Variants in TXNDC5 observed in about 807,000 individuals in gnomAD.
TXNDC5 encodes the protein thioredoxin domain containing 5.
Under a neutral mutation model 52.6 loss-of-function variants are expected in TXNDC5, and 44 were observed. That is an observed-to-expected ratio of 0.84 (90% CI 0.66 to 1.08). TXNDC5 has a LOEUF of 1.08. Among genes scored for constraint, TXNDC5 ranks in the 50% least tolerant of loss-of-function variants. TXNDC5 has a pLI of 0.00. For synonymous variants in TXNDC5, 241 were observed against 234.4 expected, an observed-to-expected ratio of 1.03 and a Z score of -0.26; for missense variants, 600 against 565.5, an observed-to-expected ratio of 1.06 and a Z score of -0.62.
rs1172993138 is a variant in TXNDC5 at position 7,884,469 on chromosome 6, G to C, written c.1066C>G (p.Leu356Val). 6.2e-7 allele frequency: 1 copy of C among 1,614,096 alleles called. No individual in the cohort carries two copies. The highest frequency in any genetic ancestry group is 1.1e-5 in the South Asian group (1 of 91,080). Residue 356 changes from leucine to valine, a missense_variant, in exon 9 of 10, where the codon CTG becomes GTG. Transcript: ENST00000379757. ...YAPWCGHCKT[L>V]APTWEELSKK... Reference sequence around the variant, plus strand: ...GAGAGTTCCTCCCAAGTAGGAGCCAGAGTCTTACAATGACCACACCTAAGA... The same window carrying C: ...GAGAGTTCCTCCCAAGTAGGAGCCACAGTCTTACAATGACCACACCTAAGA...
At chr6:7,909,974 C>G (rs1402905576) in intron 1 of TXNDC5, 2 of 985,992 alleles carry the variant, frequency 2.0e-6, no homozygotes, top group Non-Finnish European at 2.4e-6. Context: ...GTTTGGGGCG[C>G]TGGGCAGGGA....
At position 7,891,735 on chromosome 6, in the gene TXNDC5, G is replaced by A. The variant is rs776901988; in HGVS notation, c.618C>T (p.Gly206=). 3.7e-6 allele frequency: 6 copies of A among 1,612,244 alleles called. No homozygotes were observed. Among genetic ancestry groups the A allele is most frequent in the South Asian group, 1.1e-5 (1 of 90,954 alleles). The change falls in exon 5 of 10, where the codon GGC becomes GGT. Residue 206 remains glycine, a splice_region_variant and synonymous_variant. Transcript: ENST00000379757. ...GAGCGAAGAACTTGATAAAGTGGTCGCCTGGAGTGGAGAGCCAAGGCAGAG... is the reference window on the plus strand; with the variant it reads ...GAGCGAAGAACTTGATAAAGTGGTCACCTGGAGTGGAGAGCCAAGGCAGAG... ...ASNFELHVAQ[G]DHFIKFFAPW...
intron 7 of TXNDC5, 128 bp from the exon 8 acceptor site, chr6:7,886,171 C>G: frequency 1.4e-6 from 1 of 720,928 alleles, no homozygotes. Context: ...CAAGGTCACA[C>G]AGAAATACCT....
In TXNDC5 at chr6:7,904,643, T is replaced by C. The variant is rs965937678; in HGVS notation, c.344A>G (p.Tyr115Cys). The C allele has an allele frequency of 9.9e-6, 16 of 1,614,094 alleles. No individual in the cohort carries two copies. Among genetic ancestry groups the C allele is most frequent in the Admixed American group, 3.3e-5 (2 of 60,006 alleles). ...GGCCGTGCAGTCCACTTTAGCCACA[T>C]AGACTTTGGCATCTTCCATGCTGTT... ...KYNSMEDAKV[Y>C]VAKVDCTAHS... Residue 115 changes from tyrosine to cysteine, a missense_variant, in exon 2 of 10, where the codon TAT becomes TGT. Transcript: ENST00000379757.
intron 1 of TXNDC5, among the ~76,000 whole-genome samples, chr6:7,908,341 G>A (rs944815643): frequency 2.7e-5 from 4 of 149,004 alleles, no homozygotes; most frequent in African/African-American, 9.9e-5. Context: ...GAAGCATCCA[G>A]CTAAATGTCT....
chr6:7,908,922 A>G (rs567860063), intron 1 of TXNDC5, among the ~76,000 whole-genome samples: 2 of 152,332 alleles, frequency 1.3e-5, no homozygotes, highest in East Asian at 3.9e-4. Context: ...TAAGTAGTAC[A>G]CTTAATTGAA....
At position 7,889,591 on chromosome 6, in the gene TXNDC5, A is replaced by G; in HGVS notation, c.733-10T>C. The G allele has an allele frequency of 2.5e-6, 4 of 1,599,028 alleles. No homozygotes were observed. The highest frequency in any genetic ancestry group is 3.4e-6 in the Non-Finnish European group (4 of 1,167,284). Reference sequence around the variant, plus strand: ...GCTGTGTACAATCAACCTGAGAATAAAAGCAGATCAACTTCCCAGTCAGTT... The same window carrying G: ...GCTGTGTACAATCAACCTGAGAATAGAAGCAGATCAACTTCCCAGTCAGTT... On this transcript the variant is annotated splice_polypyrimidine_tract_variant and intron_variant, in intron 5 of 9. Transcript: ENST00000379757.
intron 1 of TXNDC5, 69 bp downstream of exon 1, chr6:7,910,445 G>T: frequency 7.9e-7 from 1 of 1,272,434 alleles, no homozygotes. Flanking sequence ...CCCCGCCCGC[G>T]GCGCCCAAGC....
chr6:7,898,446 G>A (rs966498496), intron 3 of TXNDC5, among the ~76,000 whole-genome samples: 6 of 152,200 alleles, frequency 3.9e-5, no homozygotes, highest in African/African-American at 1.2e-4. Context: ...GGGGCAGAGC[G>A]GAAGAGCCGC....
chr6:7,898,787 A>G (rs917231822), intron 3 of TXNDC5, among the ~76,000 whole-genome samples: 2 of 152,184 alleles, frequency 1.3e-5, no homozygotes, highest in African/African-American at 4.8e-5. Flanking sequence ...ATGATTTATA[A>G]AAAAGTGAAG....
rs1031183274 is a variant in TXNDC5, at chr6:7,894,763, T to TA, written c.616+342dup. 7 of 985,254 alleles carry TA rather than the reference T, an allele frequency of 7.1e-6. No individual in the cohort carries two copies. In the African/African-American group the frequency reaches 1.0e-4, roughly 15 times the overall value. The allele number at this position is 985,254 out of a possible 1,614,324, so 61.0% of individuals were successfully genotyped here. On this transcript the variant is annotated intron_variant, in intron 4 of 9. Coordinates refer to ENST00000379757, the MANE Select transcript of TXNDC5 (RefSeq NM_030810.5). ...CTGGGCTGCCAAAATCCTCAATCCGTAAAAAAATGCAGTATCTCCAAAGTG... is the reference window on the plus strand; with the variant it reads ...CTGGGCTGCCAAAATCCTCAATCCGTAAAAAAAATGCAGTATCTCCAAAGTG...
chr6:7,899,851 C>T, intron 2 of TXNDC5, 170 bp from the exon 3 acceptor site: 1 of 501,630 alleles, frequency 2.0e-6, no homozygotes, highest in Non-Finnish European at 3.5e-6. Flanking sequence ...GGAGATAATA[C>T]ATTCAGTTAA....
At position 7,910,688 on chromosome 6, in the gene TXNDC5, C is replaced by T; in HGVS notation, c.89G>A (p.Gly30Asp). ...ALLLLLLGHGGGGRWGARAQE... is the reference protein window; with the variant it reads ...ALLLLLLGHGDGGRWGARAQE... The stretch of plus-strand genomic sequence containing the variant: ...GGCCCGGGCGCCCCAGCGCCCGCCG[C>T]CGCCATGGCCCAGCAGCAGCAGCAG... Residue 30 changes from glycine (G) to aspartate (D), a missense_variant, in exon 1 of 10, where the codon GGC (glycine) becomes GAC (aspartate). Physicochemically the swap from Gly to Asp is moderately conservative, Grantham distance 94. Coordinates refer to ENST00000379757, the MANE Select transcript of TXNDC5 (RefSeq NM_030810.5). 1 of 1,111,092 alleles carries T rather than the reference C, an allele frequency of 9.0e-7. No individual in the cohort carries two copies. The highest frequency in any genetic ancestry group is 1.1e-6 in the Non-Finnish European group (1 of 912,066). The allele number at this position is 1,111,092 out of a possible 1,614,324, so 68.8% of individuals were successfully genotyped here.
intron 1 of TXNDC5, 142 bp from the exon 2 acceptor site, chr6:7,904,865 C>T: frequency 1.1e-6 from 1 of 881,372 alleles, no homozygotes; most frequent in South Asian, 1.7e-5. Context: ...GACCAGTACT[C>T]CAGGACCTCT....
chr6:7,885,468 T>A (rs769718685), intron 8 of TXNDC5, among the ~76,000 whole-genome samples: 1 of 152,208 alleles, frequency 6.6e-6, no homozygotes, highest in Non-Finnish European at 1.5e-5. Flanking sequence ...CAAGACCACG[T>A]GGCATGCAGG....
In TXNDC5 at chr6:7,899,448, G is replaced by C. The variant is rs1017835514; in HGVS notation, c.519+128C>G. On this transcript the variant is annotated intron_variant, in intron 3 of 9. Transcript: ENST00000379757. ...ACCAATAAGCTCCAAAAAAAGTAGA[G>C]TTGCTTTAAAATGGCAGCCTTAATC... The C allele has an allele frequency of 7.1e-6, 4 of 562,350 alleles. No homozygotes were observed. In the African/African-American group the frequency reaches 7.8e-5, roughly 11 times the overall value. The allele number at this position is 562,350 out of a possible 1,614,324, so 34.8% of individuals were successfully genotyped here. A position where few individuals can be genotyped will look rare whatever the true frequency, so the allele number is the denominator to read the frequency against.
intron 5 of TXNDC5, among the ~76,000 whole-genome samples, chr6:7,890,489 C>T (rs1581313436): frequency 6.6e-6 from 1 of 152,172 alleles, no homozygotes; most frequent in East Asian, 1.9e-4. Context: ...TCTGCTCACG[C>T]CTAGGTCTGC....
chr6:7,907,953 CAT>C (rs913848072), intron 1 of TXNDC5, among the ~76,000 whole-genome samples: 1 of 152,166 alleles, frequency 6.6e-6, no homozygotes, highest in Non-Finnish European at 1.5e-5. Context: ...TAGAAACCCA[CAT>C]ATCTCTGTTT....
intron 1 of TXNDC5, among the ~76,000 whole-genome samples, chr6:7,908,879 C>T (rs1375553719): frequency 1.3e-5 from 2 of 152,120 alleles, no homozygotes; most frequent in African/African-American, 4.8e-5. Context: ...GAAAACCCAT[C>T]GACAGATGTA....
Sources: allele counts gnomAD v4.1 joint callset (sites outside exome capture counted in the v4.1 genomes callset), GRCh38; gene constraint gnomAD v4.1.1; transcripts MANE v1.5; gene names NCBI Gene and HGNC (gene_info 2026-07-23, HGNC 2026-07-21).